IFT81: variants seen among roughly 807,000 people sequenced by gnomAD.
IFT81 encodes the protein intraflagellar transport 81.
A neutral mutation model predicts 102.6 loss-of-function variants in IFT81; 72 were observed. The observed-to-expected ratio is 0.70, with a 90% CI of 0.58 to 0.85. IFT81 has a LOEUF of 0.85. Among genes scored for constraint, IFT81 ranks in the 40% least tolerant of loss-of-function variants. IFT81 has a pLI of 0.00. For missense variants in IFT81, 723 were observed against 787.3 expected (o/e 0.92, Z 0.98); for synonymous variants, 237 against 242.7 (o/e 0.98, Z 0.22).
chr12:110,142,530 G>A (rs547110372), intron 8 of IFT81, among the ~76,000 whole-genome samples: 45 of 152,140 alleles, frequency 3.0e-4, no homozygotes, highest in African/African-American at 1.1e-3. Flanking sequence ...GCTTGAAGCT[G>A]ACAAATGATA....
chr12:110,179,097 T>G (rs1384646684), intron 11 of IFT81, among the ~76,000 whole-genome samples: 3 of 152,076 alleles, frequency 2.0e-5, no homozygotes, highest in Non-Finnish European at 4.4e-5. Context: ...ACTTGGGATA[T>G]TCTTAGCTTT....
chr12:110,168,811 A>T (rs1463485178), intron 11 of IFT81: 1 of 152,210 alleles, frequency 6.6e-6, no homozygotes, highest in African/African-American at 2.4e-5. Context: ...TTCAGAAAAA[A>T]ATTAACATGC....
chr12:110,201,284 C>A (rs1047116227), intron 14 of IFT81, among the ~76,000 whole-genome samples: 3 of 151,770 alleles, frequency 2.0e-5, no homozygotes, highest in African/African-American at 7.3e-5. Context: ...TGTCTGTAGT[C>A]CCAGCTACTT....
intron 10 of IFT81, among the ~76,000 whole-genome samples, chr12:110,160,747 C>A (rs1445179462): frequency 6.6e-6 from 1 of 152,186 alleles, no homozygotes; most frequent in Non-Finnish European, 1.5e-5. Flanking sequence ...TAAATCAGGG[C>A]TTTTCTTTCC....
intron 5 of IFT81, 63 bp from the exon 6 acceptor site, chr12:110,134,885 C>T: frequency 8.2e-7 from 1 of 1,216,092 alleles, no homozygotes; most frequent in South Asian, 1.3e-5. Flanking sequence ...AAAATAAAAC[C>T]TTATCTGTTT....
intron 8 of IFT81, among the ~76,000 whole-genome samples, chr12:110,141,510 A>T (rs1894889067): frequency 6.6e-6 from 1 of 152,206 alleles, no homozygotes; most frequent in South Asian, 2.1e-4. Context: ...TTTGGGCCAG[A>T]TGTATTATGC....
At chr12:110,142,538 A>G (rs1010618843) in intron 8 of IFT81, among the ~76,000 whole-genome samples, 4 of 152,092 alleles carry the variant, frequency 2.6e-5, no homozygotes, top group Admixed American at 6.6e-5. Flanking sequence ...CTGACAAATG[A>G]TAATGAATTA....
rs1868495592 is a variant in IFT81, at chr12:110,205,486, G to C, written c.1688G>C (p.Arg563Thr). 6.2e-7 allele frequency: 1 copy of C among 1,604,030 alleles called. No homozygotes were observed. Among genetic ancestry groups the C allele is most frequent in the African/African-American group, 1.3e-5 (1 of 74,298 alleles). Reference protein sequence around the residue: ...LREECLQEESRYHYTNCMIKN... With the variant: ...LREECLQEESTYHYTNCMIKN... ...GAAGAATGTCTTCAAGAAGAAAGTAGATACCATTATACAAATTGTATGATT... is the reference window on the plus strand; with the variant it reads ...GAAGAATGTCTTCAAGAAGAAAGTACATACCATTATACAAATTGTATGATT... The change falls in exon 16 of 19, where the codon AGA becomes ACA. Residue 563 changes from arginine (R) to threonine (T), a missense_variant. By Grantham distance (71) the Arg-to-Thr change is moderately conservative. Transcript: ENST00000242591.
intron 3 of IFT81, among the ~76,000 whole-genome samples, 164 bp from the exon 4 acceptor site, chr12:110,128,786 C>CAAAAA (rs59756924): frequency 2.9e-5 from 2 of 68,758 alleles, no homozygotes; most frequent in South Asian, 5.8e-4. Context: ...GACCCTGTCT[C>CAAAAA]AAAAAAAAAA....
chr12:110,148,168 T>C (rs1460673621), intron 10 of IFT81, among the ~76,000 whole-genome samples: 1 of 152,206 alleles, frequency 6.6e-6, no homozygotes, highest in Non-Finnish European at 1.5e-5. Flanking sequence ...TTGACAAAAC[T>C]GGTTCATTTT....
chr12:110,154,976 A>C (rs956090408), intron 10 of IFT81, among the ~76,000 whole-genome samples: 1 of 152,102 alleles, frequency 6.6e-6, no homozygotes, highest in Non-Finnish European at 1.5e-5. Context: ...TGAATGTTGA[A>C]GTCTCAAGCT....
chr12:110,196,882 T>C lies in IFT81; in HGVS notation c.1557+4176T>C, dbSNP rs545587452. ...TTGCTTTCAGCTTCCTATGTCCTTA[T>C]TTTTGTCTTATGTATGTCTCATAAA... On this transcript the variant is annotated intron_variant, in intron 14 of 18. Transcript: ENST00000242591. Among the ~76,000 whole-genome samples, 4 of 152,256 alleles carry C rather than the reference T, an allele frequency of 2.6e-5. No homozygotes were observed. The South Asian group carries it at 6.2e-4, about 24-fold the overall frequency.
intron 12 of IFT81, among the ~76,000 whole-genome samples, chr12:110,190,003 C>T (rs1897715964): frequency 6.6e-6 from 1 of 152,194 alleles, no homozygotes; most frequent in Non-Finnish European, 1.5e-5. Context: ...TTGAGACGGT[C>T]TTCTAATTGG....
chr12:110,174,157 A>C (rs1896924760), intron 11 of IFT81, among the ~76,000 whole-genome samples: 1 of 151,616 alleles, frequency 6.6e-6, no homozygotes, highest in Non-Finnish European at 1.5e-5. Flanking sequence ...GGACGCCTAT[A>C]GTCCCAGCTA....
intron 10 of IFT81, among the ~76,000 whole-genome samples, chr12:110,147,734 A>T (rs779114506): frequency 6.6e-6 from 1 of 152,220 alleles, no homozygotes; most frequent in Non-Finnish European, 1.5e-5. Flanking sequence ...ATAAACCCTC[A>T]TGTGTCCCTG....
At chr12:110,190,177 G>A (rs1897724965) in intron 12 of IFT81, among the ~76,000 whole-genome samples, 1 of 152,158 alleles carries the variant, frequency 6.6e-6, no homozygotes, top group Admixed American at 6.6e-5. Flanking sequence ...ATTATCTAAA[G>A]TAGGATACTT....
At chr12:110,195,934 G>A (rs910528408) in intron 14 of IFT81, among the ~76,000 whole-genome samples, 29 of 152,180 alleles carry the variant, frequency 1.9e-4, no homozygotes, top group African/African-American at 4.6e-4. Context: ...AGAGATCTGA[G>A]GCCAACTTAA....
intron 11 of IFT81, among the ~76,000 whole-genome samples, chr12:110,172,529 GGC>G (rs1896790311): frequency 6.6e-6 from 1 of 152,158 alleles, no homozygotes; most frequent in Non-Finnish European, 1.5e-5. Flanking sequence ...TGCAATTGCA[GGC>G]GCGCGCCGCC....
At chr12:110,170,873 C>G (rs911343945) in intron 11 of IFT81, among the ~76,000 whole-genome samples, 1 of 152,198 alleles carries the variant, frequency 6.6e-6, no homozygotes, top group Admixed American at 6.5e-5. Context: ...TCTACAGCTA[C>G]TGACAAATCT....
Sources: gnomAD v4.1 joint callset for allele counts (sites outside exome capture counted in the v4.1 genomes callset) on GRCh38, gnomAD v4.1.1 for gene constraint, MANE v1.5 for transcripts, NCBI Gene and HGNC (gene_info 2026-07-23, HGNC 2026-07-21) for gene names.